Variants in KIAA0319L observed in about 807,000 individuals in gnomAD.
The protein encoded by KIAA0319L is dyslexia-associated protein KIAA0319-like protein.
In KIAA0319L, 55 loss-of-function variants were observed where a neutral mutation model predicts 120.1. That is an observed-to-expected ratio of 0.46 (90% CI 0.37 to 0.57). The LOEUF (loss-of-function observed/expected upper bound fraction) is 0.57. Among genes scored for constraint, KIAA0319L ranks in the 20% least tolerant of loss-of-function variants. The pLI is 0.00. For missense variants in KIAA0319L, 1,049 were observed against 1,255.3 expected (o/e 0.84, Z 2.48); for synonymous variants, 398 against 471.9 (o/e 0.84, Z 2.03).
At chr1:35,514,876 T>C (rs1000336196) in intron 2 of KIAA0319L, among the ~76,000 whole-genome samples, 3 of 152,186 alleles carry the variant, frequency 2.0e-5, no homozygotes, top group Non-Finnish European at 4.4e-5. Flanking sequence ...GATCTCAACA[T>C]TGGACCAAAG....
intron 2 of KIAA0319L, among the ~76,000 whole-genome samples, chr1:35,528,683 A>C (rs1646248268): frequency 6.6e-6 from 1 of 152,136 alleles, no homozygotes; most frequent in South Asian, 2.1e-4. Flanking sequence ...CTGTTAAGAT[A>C]ATCTGTCTAT....
chr1:35,435,167 A>G, intron 20 of KIAA0319L, 86 bp from the exon 21 acceptor site: 1 of 1,243,124 alleles, frequency 8.0e-7, no homozygotes, highest in Non-Finnish European at 1.2e-6. Flanking sequence ...CTGAGGAGCC[A>G]AGGAACAGGG....
At position 35,466,725 on chromosome 1, in the gene KIAA0319L, A is replaced by T. The variant is rs771364218; in HGVS notation, c.1114-30T>A. On this transcript the variant is annotated intron_variant, in intron 6 of 20. Coordinates refer to ENST00000325722, the MANE Select transcript of KIAA0319L (RefSeq NM_024874.5). ...AGAAGTGAGAGAAGATCTCTTAGAC[A>T]ATCACAAAGAGCAGGAATTACATTT... is the stretch of plus-strand genomic sequence containing the variant. 1.0e-5 allele frequency: 14 copies of T among 1,394,062 alleles called. No homozygotes were observed. In the Admixed American group the frequency reaches 1.4e-4, roughly 13 times the overall value. The allele number at this position is 1,394,062 out of a possible 1,614,324, so 86.4% of individuals were successfully genotyped here.
At position 35,553,728 on chromosome 1, in the gene KIAA0319L, A is replaced by G. The variant is rs190724597; in HGVS notation, c.142+622T>C. On this transcript the variant is annotated intron_variant, in intron 2 of 20. Transcript: ENST00000325722. The stretch of plus-strand genomic sequence containing the variant: ...AAGAACTTGAAAGAAAGAAAGAAAG[A>G]AAGAAAGAAAGAAAGGGCATTCTCC... Among the ~76,000 whole-genome samples the G allele has an allele frequency of 4.4e-3, 667 of 151,678 alleles. 2 individuals carry two copies. The highest frequency in any genetic ancestry group is 7.4e-3 in the Non-Finnish European group (497 of 67,602).
At chr1:35,556,350 T>C (rs1220667398) in intron 1 of KIAA0319L, 3 of 152,272 alleles carry the variant, frequency 2.0e-5, no homozygotes, top group African/African-American at 7.2e-5. Context: ...CGATAAGATA[T>C]GTTTGAACAA....
intron 5 of KIAA0319L, 83 bp from the exon 6 acceptor site, chr1:35,471,043 C>T (rs972742985): frequency 1.2e-6 from 1 of 819,692 alleles, no homozygotes; most frequent in Non-Finnish European, 2.2e-6. Flanking sequence ...AATAACAAAT[C>T]TCTTCTGATC....
upstream of KIAA0319L, chr1:35,557,511 G>C (rs1648300164): frequency 8.2e-6 from 3 of 364,102 alleles, no homozygotes; most frequent in Non-Finnish European, 1.6e-5. Context: ...CGAGACCAAG[G>C]GGGAGGAGGG....
intron 2 of KIAA0319L, among the ~76,000 whole-genome samples, chr1:35,547,667 T>A (rs1647034770): frequency 6.6e-6 from 1 of 152,236 alleles, no homozygotes. Flanking sequence ...ATTCCATTTA[T>A]GAAATGTCCA....
intron 3 of KIAA0319L, among the ~76,000 whole-genome samples, chr1:35,493,053 C>G (rs1351565368): frequency 6.6e-6 from 1 of 151,740 alleles, no homozygotes; most frequent in Non-Finnish European, 1.5e-5. Flanking sequence ...GGCAATAAGG[C>G]AAGAAAAAGA....
intron 19 of KIAA0319L, among the ~76,000 whole-genome samples, 192 bp from the exon 20 acceptor site, chr1:35,441,330 A>G (rs996968656): frequency 6.6e-6 from 1 of 152,164 alleles, no homozygotes; most frequent in Non-Finnish European, 1.5e-5. Context: ...ATTCTGGAGA[A>G]GGGCAAGGGA....
intron 2 of KIAA0319L, among the ~76,000 whole-genome samples, chr1:35,536,775 C>T (rs1295433501): frequency 6.6e-6 from 1 of 152,056 alleles, no homozygotes; most frequent in African/African-American, 2.4e-5. Flanking sequence ...CTGAAAATAG[C>T]TCTCCTACCA....
chr1:35,557,353 G>A lies in KIAA0319L; in HGVS notation c.-175C>T. 7.0e-6 allele frequency: 2 copies of A among 286,714 alleles called. No individual in the cohort carries two copies. The highest frequency in any genetic ancestry group is 5.1e-5 in the Admixed American group (1 of 19,608). The allele number at this position is 286,714 out of a possible 1,614,324, so 17.8% of individuals were successfully genotyped here. Reference sequence around the variant, plus strand: ...GAAGGTAGTGCGGGCTCCCCACCCGGACAGCTACCTCTCGCCTCAGCCTCC... The same window carrying A: ...GAAGGTAGTGCGGGCTCCCCACCCGAACAGCTACCTCTCGCCTCAGCCTCC... On this transcript the variant is annotated 5_prime_UTR_variant, in exon 1 of 21. Coordinates refer to ENST00000325722, the MANE Select transcript of KIAA0319L (RefSeq NM_024874.5).
chr1:35,461,055 A>T (rs1261112391), intron 8 of KIAA0319L, among the ~76,000 whole-genome samples: 3 of 152,260 alleles, frequency 2.0e-5, no homozygotes, highest in Non-Finnish European at 4.4e-5. Context: ...AATGGTCATC[A>T]ATAGAGATTG....
At position 35,507,110 on chromosome 1, in the gene KIAA0319L, C is replaced by G. The variant is rs748886892; in HGVS notation, c.168G>C (p.Gln56His). The G allele has an allele frequency of 6.5e-7, 1 of 1,531,010 alleles. No homozygotes were observed. Among genetic ancestry groups the G allele is most frequent in the East Asian group, 2.3e-5 (1 of 44,184 alleles). 94.8% of individuals were successfully genotyped at this position (1,531,010 alleles called of 1,614,324 possible). Residue 56 changes from glutamine to histidine, a missense_variant, in exon 3 of 21, where the codon CAG (glutamine) becomes CAC (histidine). Gln to His is a conservative substitution (Grantham distance 24, BLOSUM62 0). Transcript: ENST00000325722. ...STDASESRCQ[Q>H]GKTQFGVGLR... is the part of the protein sequence containing the mutation. ...GGCCAACTCCAAATTGTGTCTTCCC[C>G]TGCTGGCACCTGCTCTCACTGGCAT...
At chr1:35,485,343 T>G (rs1365079305) in intron 3 of KIAA0319L, among the ~76,000 whole-genome samples, 1 of 152,202 alleles carries the variant, frequency 6.6e-6, no homozygotes, top group African/African-American at 2.4e-5. Flanking sequence ...GGGCAGCCTA[T>G]GCCTGCATCA....
chr1:35,556,677 T>C (rs1648113250), intron 1 of KIAA0319L: 1 of 152,116 alleles, frequency 6.6e-6, no homozygotes, highest in Admixed American at 6.5e-5. Context: ...AGCCAAAGAG[T>C]TCCTGGAATC....
chr1:35,490,045 C>T (rs755959393), intron 3 of KIAA0319L, among the ~76,000 whole-genome samples: 77 of 152,254 alleles, frequency 5.1e-4, no homozygotes, highest in South Asian at 1.0e-3. Context: ...ACTGCAGCCT[C>T]GACCTCCCAG....
intron 16 of KIAA0319L, among the ~76,000 whole-genome samples, 187 bp from the exon 17 acceptor site, chr1:35,444,490 C>A (rs941233717): frequency 2.6e-5 from 4 of 152,184 alleles, no homozygotes; most frequent in Admixed American, 2.0e-4. Flanking sequence ...AACACTGGGG[C>A]TTTGTAAGAG....
Position 35,506,837 on chromosome 1 carries a change from A to C in KIAA0319L, c.441T>G (p.Asp147Glu), listed in dbSNP as rs748613412. Residue 147 changes from aspartate to glutamate, a missense_variant, in exon 3 of 21, where the codon GAT (aspartate) becomes GAG (glutamate). Coordinates refer to ENST00000325722, the MANE Select transcript of KIAA0319L (RefSeq NM_024874.5). This position sits in a 1 kb window ranked among gnomAD's most constrained non-coding sequence, Gnocchi z 4.0. Reference protein sequence around the residue: ...ADDLGFLPEDDVPHLLGLGWN... With the variant: ...ADDLGFLPEDEVPHLLGLGWN... ...AACCTAGCCCCAGAAGATGTGGTAC[A>C]TCATCTTCAGGTAGAAAGCCCAAAT... 10 of 1,614,094 alleles carry C rather than the reference A, an allele frequency of 6.2e-6. No individual in the cohort carries two copies. The South Asian group carries it at 1.1e-4, about 18-fold the overall frequency.
Sources: gnomAD v4.1 joint callset for allele counts (sites outside exome capture counted in the v4.1 genomes callset) on GRCh38, gnomAD v4.1.1 for gene constraint, Gnocchi (gnomAD v3.1) non-coding constraint, MANE v1.5 for transcripts, NCBI Gene and HGNC (gene_info 2026-07-23, HGNC 2026-07-21) for gene names.